SLC14A2: variants seen among roughly 807,000 people sequenced by gnomAD.
SLC14A2 encodes the protein urea transporter 2.
A neutral mutation model predicts 104.6 loss-of-function variants in SLC14A2; 91 were observed. The observed-to-expected ratio is 0.87, with a 90% CI of 0.73 to 1.04. The LOEUF (loss-of-function observed/expected upper bound fraction) is 1.04. Among genes scored for constraint, SLC14A2 ranks in the 50% least tolerant of loss-of-function variants. The pLI is 0.00. For synonymous variants in SLC14A2, 476 were observed against 466.4 expected (o/e 1.02, Z -0.27); for missense variants, 1,189 against 1,156.0 (o/e 1.03, Z -0.41).
chr18:45,637,540 T>C (rs1176184559), intron 6 of SLC14A2, among the ~76,000 whole-genome samples: 2 of 152,210 alleles, frequency 1.3e-5, no homozygotes, highest in African/African-American at 2.4e-5. Context: ...ATAAAATGTA[T>C]AGTCAGATAA....
chr18:45,251,403 C>T (rs372862521), intron 1 of SLC14A2, among the ~76,000 whole-genome samples: 79 of 152,280 alleles, frequency 5.2e-4, no homozygotes, highest in African/African-American at 1.8e-3. Context: ...CCACTATATT[C>T]GAGAGGCCCA....
intron 2 of SLC14A2, among the ~76,000 whole-genome samples, chr18:45,537,477 C>T (rs1222763368): frequency 6.6e-6 from 1 of 152,130 alleles, no homozygotes; most frequent in Non-Finnish European, 1.5e-5. Context: ...GCACAAAGCC[C>T]TAAAGTGGCA....
Position 45,641,280 on chromosome 18 carries a change from A to G in SLC14A2, c.1063A>G (p.Ile355Val). The G allele has an allele frequency of 1.2e-6, 2 of 1,614,222 alleles. No homozygotes were observed. The highest frequency in any genetic ancestry group is 1.7e-6 in the Non-Finnish European group (2 of 1,180,024). The change falls in exon 8 of 20, where the codon ATC (isoleucine) becomes GTC (valine). Residue 355 changes from isoleucine (I) to valine (V), a missense_variant. By Grantham distance (29) the Ile-to-Val change is conservative. Transcript: ENST00000255226. ...LWSYNCVLSC[I>V]AIGGMFYALT... Reference sequence around the variant, plus strand: ...GAGCTACAACTGCGTCCTCTCCTGCATCGCCATCGGAGGCATGTTCTATGC... The same window carrying G: ...GAGCTACAACTGCGTCCTCTCCTGCGTCGCCATCGGAGGCATGTTCTATGC...
At chr18:45,179,497 T>A in the SLC14A2 span, among the ~76,000 whole-genome samples, 4 of 152,156 alleles carry the variant, frequency 2.6e-5, no homozygotes, top group Middle Eastern at 3.4e-3. Flanking sequence ...ACAGGGTTCT[T>A]CCTAAAAGTT....
intron 2 of SLC14A2, among the ~76,000 whole-genome samples, chr18:45,500,348 C>T (rs1568244010): frequency 1.3e-5 from 2 of 151,740 alleles, no homozygotes; most frequent in African/African-American, 4.8e-5. Flanking sequence ...GAGGCCGAGG[C>T]GGGCGGATCA....
At chr18:45,356,659 G>A (rs538238717) in intron 1 of SLC14A2, among the ~76,000 whole-genome samples, 1 of 152,320 alleles carries the variant, frequency 6.6e-6, no homozygotes, top group East Asian at 1.9e-4. Flanking sequence ...ATATGGGTTA[G>A]GAACAACATA....
chr18:45,312,206 T>TA (rs1478602658), intron 1 of SLC14A2, among the ~76,000 whole-genome samples: 1 of 152,216 alleles, frequency 6.6e-6, no homozygotes, highest in Non-Finnish European at 1.5e-5. Context: ...ACATAGCACT[T>TA]AACGTGGTGT....
chr18:45,189,063 T>A, the SLC14A2 span, among the ~76,000 whole-genome samples: 1 of 152,208 alleles, frequency 6.6e-6, no homozygotes, highest in Non-Finnish European at 1.5e-5. Flanking sequence ...GTGACTGTTT[T>A]CTGGGCAAAA....
chr18:45,220,965 ACTT>A (rs957177741), intron 1 of SLC14A2, among the ~76,000 whole-genome samples: 6 of 152,144 alleles, frequency 3.9e-5, no homozygotes, highest in Admixed American at 2.6e-4. Flanking sequence ...CTGTGCCCAA[ACTT>A]CTTCTTCTGT....
intron 1 of SLC14A2, among the ~76,000 whole-genome samples, chr18:45,406,250 A>G (rs2086153507): frequency 6.6e-6 from 1 of 152,232 alleles, no homozygotes; most frequent in Non-Finnish European, 1.5e-5. Context: ...CTCCACTAGG[A>G]GTAGATTCCA....
intron 2 of SLC14A2, among the ~76,000 whole-genome samples, chr18:45,586,726 C>A (rs537467064): frequency 3.1e-4 from 47 of 152,180 alleles, no homozygotes; most frequent in African/African-American, 1.1e-3. Flanking sequence ...CTCCATCTCC[C>A]AATCTACAAT....
chr18:45,645,429 T>A (rs1225785191), intron 10 of SLC14A2, among the ~76,000 whole-genome samples: 1 of 152,006 alleles, frequency 6.6e-6, no homozygotes, highest in Non-Finnish European at 1.5e-5. Flanking sequence ...GTACCTGAGT[T>A]CCATGTGTAA....
At chr18:45,680,225 C>T (rs1349926694) in intron 19 of SLC14A2, among the ~76,000 whole-genome samples, 2 of 152,192 alleles carry the variant, frequency 1.3e-5, no homozygotes, top group East Asian at 3.8e-4. Context: ...TAAATCCGTG[C>T]CATGTGCCTT....
chr18:45,235,832 CGTGTATAT>C (rs2084221928), intron 1 of SLC14A2, among the ~76,000 whole-genome samples: 1 of 71,860 alleles, frequency 1.4e-5, no homozygotes. Flanking sequence ...TATATATATA[CGTGTATAT>C]ATATATGTAT....
chr18:45,679,829 C>G (rs1296822653), intron 19 of SLC14A2, among the ~76,000 whole-genome samples: 1 of 152,194 alleles, frequency 6.6e-6, no homozygotes, highest in Non-Finnish European at 1.5e-5. Context: ...CCCCAGTGAA[C>G]TGAATCTCTT....
At chr18:45,343,142 CT>C (rs34073750) in intron 1 of SLC14A2, among the ~76,000 whole-genome samples, 9,038 of 132,560 alleles carry the variant, frequency 0.068, 829 homozygotes, top group African/African-American at 0.22. Flanking sequence ...GTTCTCTCTG[CT>C]TTTTTTTTTT....
intron 2 of SLC14A2, among the ~76,000 whole-genome samples, chr18:45,543,304 CT>C (rs1366913774): frequency 6.6e-6 from 1 of 151,976 alleles, no homozygotes; most frequent in African/African-American, 2.4e-5. Context: ...AAGATAATAT[CT>C]GTGGTATCAG....
At chr18:45,193,570 A>T in the SLC14A2 span, among the ~76,000 whole-genome samples, 1 of 152,112 alleles carries the variant, frequency 6.6e-6, no homozygotes, top group Non-Finnish European at 1.5e-5. Flanking sequence ...TCATTGATAT[A>T]TTTGTCTATC....
chr18:45,669,566 G>A (rs1034017464), intron 16 of SLC14A2, 68 bp downstream of exon 16: 26 of 1,322,634 alleles, frequency 2.0e-5, no homozygotes, highest in Non-Finnish European at 2.6e-5. Flanking sequence ...TGCATATTTT[G>A]CACATCAGAA....
Sources: allele counts gnomAD v4.1 joint callset (sites outside exome capture counted in the v4.1 genomes callset), GRCh38; gene constraint gnomAD v4.1.1; transcripts MANE v1.5; gene names NCBI Gene and HGNC (gene_info 2026-07-23, HGNC 2026-07-21).